Variants in PCDH17 observed in about 807,000 individuals in gnomAD.
PCDH17 encodes the protein protocadherin-17.
Under a neutral mutation model 67.7 loss-of-function variants are expected in PCDH17, and 21 were observed. The observed-to-expected ratio is 0.31, with a 90% CI of 0.22 to 0.45. PCDH17 has a LOEUF of 0.45. Ranked by LOEUF, PCDH17 falls within the 20% of genes least tolerant of loss-of-function variation. The probability of loss-of-function intolerance (pLI) is 1.00; values close to 1 mark genes in which losing one functional copy is unlikely to be tolerated. For missense variants in PCDH17, 1,471 were observed against 1,564.8 expected (o/e 0.94, Z 1.01); for synonymous variants, 701 against 656.7 (o/e 1.07, Z -1.03).
chr13:57,682,166 A>C (rs1467987889), intron 3 of PCDH17, among the ~76,000 whole-genome samples: 1 of 151,684 alleles, frequency 6.6e-6, no homozygotes, highest in Non-Finnish European at 1.5e-5. Context: ...CTTCCTTCTT[A>C]TACTCCTACA....
rs540540846 is a variant in PCDH17, at chr13:57,673,335, A to G, written c.2797+6502A>G. On this transcript the variant is annotated intron_variant, in intron 3 of 3. Coordinates refer to ENST00000377918, the MANE Select transcript of PCDH17 (RefSeq NM_001040429.3). The stretch of plus-strand genomic sequence containing the variant: ...ATGCTTTAAGGCCCAGGAAAGGCCT[A>G]CTCAAGACTTGATGGGCTTTTGTTA... Among the ~76,000 whole-genome samples, 4 of 152,088 alleles carry G rather than the reference A, an allele frequency of 2.6e-5. No individual in the cohort carries two copies. The East Asian group carries it at 5.8e-4, about 22-fold the overall frequency.
chr13:57,700,359 G>A (rs758341395), intron 3 of PCDH17, among the ~76,000 whole-genome samples: 28 of 130,030 alleles, frequency 2.2e-4, no homozygotes, highest in Non-Finnish European at 3.0e-4. Flanking sequence ...TTGCTCTATC[G>A]CCAGGCTGGA....
chr13:57,686,027 T>C (rs920066806), intron 3 of PCDH17, among the ~76,000 whole-genome samples: 13 of 151,908 alleles, frequency 8.6e-5, no homozygotes, highest in African/African-American at 3.1e-4. Context: ...AGTTTGAAGT[T>C]GCAGTGAGTC....
chr13:57,695,864 G>A (rs74079932), intron 3 of PCDH17, among the ~76,000 whole-genome samples: 1 of 151,336 alleles, frequency 6.6e-6, no homozygotes, highest in African/African-American at 2.4e-5. Flanking sequence ...TCTTGTAATT[G>A]AAAGTCTCTG....
chr13:57,690,805 C>T (rs758724425), intron 3 of PCDH17, among the ~76,000 whole-genome samples: 5 of 151,440 alleles, frequency 3.3e-5, no homozygotes, highest in South Asian at 2.1e-4. Flanking sequence ...ATCTTTATCT[C>T]GTGCCGAGTA....
chr13:57,665,714 T>G (rs1475855601), intron 1 of PCDH17, among the ~76,000 whole-genome samples: 1 of 152,178 alleles, frequency 6.6e-6, no homozygotes, highest in Non-Finnish European at 1.5e-5. Flanking sequence ...AATTCAGTTC[T>G]TTTTGGCAGA....
At chr13:57,659,762 A>G (rs1955160348) in intron 1 of PCDH17, among the ~76,000 whole-genome samples, 1 of 152,194 alleles carries the variant, frequency 6.6e-6, no homozygotes, top group Non-Finnish European at 1.5e-5. Flanking sequence ...AATTAAAACA[A>G]TTCACCGTTT....
chr13:57,693,332 A>ATATATATATATG lies in PCDH17; in HGVS notation c.2797+26510_2797+26511insGTATATATATAT, dbSNP rs1205975393. On this transcript the variant is annotated intron_variant, in intron 3 of 3. Transcript: ENST00000377918. ...CTTACATTCATATATATATATATAT[A>ATATATATATATG]TATATATATATATCAAGGAGTTAGG... Among the ~76,000 whole-genome samples, 4 of 141,436 alleles carry ATATATATATATG rather than the reference A, an allele frequency of 2.8e-5. No individual in the cohort carries two copies. The East Asian group carries it at 8.1e-4, about 29-fold the overall frequency. The allele number at this position is 141,436 out of a possible 152,430, so 92.8% of individuals were successfully genotyped here.
Position 57,729,218 on chromosome 13 carries a change from T to G in PCDH17, c.*3924T>G, listed in dbSNP as rs1443974965. On this transcript the variant is annotated 3_prime_UTR_variant, in exon 4 of 4. Transcript: ENST00000377918. Reference sequence around the variant, plus strand: ...GGACAACAACAAAAGCAGCATACATTGTATGGATTTATCTCAACGCTATTG... The same window carrying G: ...GGACAACAACAAAAGCAGCATACATGGTATGGATTTATCTCAACGCTATTG... 1.3e-5 allele frequency: 2 copies of G among 152,066 alleles called. No individual in the cohort carries two copies. Among genetic ancestry groups the G allele is most frequent in the African/African-American group, 4.8e-5 (2 of 41,442 alleles). The allele number at this position is 152,066 out of a possible 1,614,324, so 9.4% of individuals were successfully genotyped here.
intron 1 of PCDH17, among the ~76,000 whole-genome samples, chr13:57,642,529 C>A (rs919569344): frequency 4.0e-5 from 6 of 151,534 alleles, no homozygotes; most frequent in Non-Finnish European, 8.9e-5. Context: ...TTCTTTGCAA[C>A]AACTATGGTA....
chr13:57,690,821 T>C (rs2138061295), intron 3 of PCDH17, among the ~76,000 whole-genome samples: 1 of 151,616 alleles, frequency 6.6e-6, no homozygotes, highest in Admixed American at 6.6e-5. Context: ...GAGTATTGTT[T>C]TTATGATAAT....
chr13:57,683,878 A>G (rs189980808), intron 3 of PCDH17, among the ~76,000 whole-genome samples: 43 of 152,066 alleles, frequency 2.8e-4, no homozygotes, highest in Admixed American at 1.7e-3. Flanking sequence ...ACCTAAACCA[A>G]TTGAGATGTG....
At chr13:57,677,129 G>A (rs1237241790) in intron 3 of PCDH17, among the ~76,000 whole-genome samples, 3 of 151,748 alleles carry the variant, frequency 2.0e-5, no homozygotes, top group Non-Finnish European at 4.4e-5. Flanking sequence ...CAAGTGCTGA[G>A]GATTGAGTAG....
chr13:57,644,678 C>T (rs1363370590), intron 1 of PCDH17, among the ~76,000 whole-genome samples: 1 of 151,496 alleles, frequency 6.6e-6, no homozygotes, highest in Non-Finnish European at 1.5e-5. Context: ...TTTGGTGTCG[C>T]CTGCTTATTA....
At chr13:57,695,034 A>G (rs946883769) in intron 3 of PCDH17, among the ~76,000 whole-genome samples, 1 of 151,192 alleles carries the variant, frequency 6.6e-6, no homozygotes, top group Non-Finnish European at 1.5e-5. Context: ...ATACTTGCTA[A>G]GTAGGACACA....
At chr13:57,668,890 G>A (rs1056171803) in intron 3 of PCDH17, among the ~76,000 whole-genome samples, 10 of 151,902 alleles carry the variant, frequency 6.6e-5, no homozygotes, top group African/African-American at 1.5e-4. Context: ...TGTGCACAAC[G>A]TGCAGGTTTG....
At chr13:57,691,502 G>A (rs1489029750) in intron 3 of PCDH17, among the ~76,000 whole-genome samples, 1 of 151,116 alleles carries the variant, frequency 6.6e-6, no homozygotes, top group Non-Finnish European at 1.5e-5. Flanking sequence ...GATGAAAAGT[G>A]GGGAGTAAAC....
At chr13:57,704,080 T>G (rs1033932938) in intron 3 of PCDH17, among the ~76,000 whole-genome samples, 3 of 152,068 alleles carry the variant, frequency 2.0e-5, no homozygotes, top group African/African-American at 4.8e-5. Flanking sequence ...CTTGGTTGGA[T>G]ATTTTTGTAC....
At position 57,726,505 on chromosome 13, in the gene PCDH17, T is replaced by C. The variant is rs943502807; in HGVS notation, c.*1211T>C. ...GTTTTTTCCTGCTTCCTTTTCCCCATGGAGTGTGGGAAGCAGTGCCTCAGA... is the reference window on the plus strand; with the variant it reads ...GTTTTTTCCTGCTTCCTTTTCCCCACGGAGTGTGGGAAGCAGTGCCTCAGA... On this transcript the variant is annotated 3_prime_UTR_variant, in exon 4 of 4. Transcript: ENST00000377918. The C allele has an allele frequency of 3.3e-5, 5 of 152,626 alleles. No individual in the cohort carries two copies. The highest frequency in any genetic ancestry group is 2.9e-5 in the Non-Finnish European group (2 of 68,020). The allele number at this position is 152,626 out of a possible 1,614,324, so 9.5% of individuals were successfully genotyped here.
Sources: allele counts gnomAD v4.1 joint callset (sites outside exome capture counted in the v4.1 genomes callset), GRCh38; gene constraint gnomAD v4.1.1; transcripts MANE v1.5; gene names NCBI Gene and HGNC (gene_info 2026-07-23, HGNC 2026-07-21).